TMEM232: variants seen among roughly 807,000 people sequenced by gnomAD.
The protein encoded by TMEM232 is transmembrane protein 232.
Under a neutral mutation model 78.8 loss-of-function variants are expected in TMEM232, and 80 were observed. That is an observed-to-expected ratio of 1.01 (90% CI 0.85 to 1.22). The LOEUF is 1.22. Ranked by LOEUF, TMEM232 falls within the 50% of genes most tolerant of loss-of-function variation. TMEM232 has a pLI of 0.00. For missense variants in TMEM232, 881 were observed against 742.2 expected, an observed-to-expected ratio of 1.19 and a Z score of -2.17; for synonymous variants, 297 against 254.3, an observed-to-expected ratio of 1.17 and a Z score of -1.60.
chr5:110,647,848 T>G (rs897041948), intron 2 of TMEM232, among the ~76,000 whole-genome samples: 1 of 152,020 alleles, frequency 6.6e-6, no homozygotes, highest in Non-Finnish European at 1.5e-5. Flanking sequence ...GTGCATACTA[T>G]TCTGGTTTAT....
chr5:110,604,068 A>G (rs899634314), intron 10 of TMEM232, among the ~76,000 whole-genome samples: 8 of 152,176 alleles, frequency 5.3e-5, no homozygotes, highest in Non-Finnish European at 2.9e-5. Flanking sequence ...ATAATTGCTT[A>G]CCTATTATGT....
chr5:110,658,991 G>C (rs1380712628), intron 2 of TMEM232, among the ~76,000 whole-genome samples: 2 of 152,110 alleles, frequency 1.3e-5, no homozygotes, highest in Non-Finnish European at 2.9e-5. Context: ...TCTTGGGGAA[G>C]AGCTCACCTG....
At chr5:110,461,700 C>T (rs1208804795) in intron 12 of TMEM232, among the ~76,000 whole-genome samples, 1 of 152,200 alleles carries the variant, frequency 6.6e-6, no homozygotes, top group African/African-American at 2.4e-5. Flanking sequence ...GGGGATAATG[C>T]AGCCAATGAA....
At chr5:110,446,547 C>A (rs1759669741) in intron 12 of TMEM232, among the ~76,000 whole-genome samples, 1 of 152,102 alleles carries the variant, frequency 6.6e-6, no homozygotes, top group Non-Finnish European at 1.5e-5. Context: ...AGACCACATT[C>A]TTTTTCCTCT....
chr5:110,695,677 T>A (rs1042052880), intron 1 of TMEM232, among the ~76,000 whole-genome samples: 9 of 152,166 alleles, frequency 5.9e-5, no homozygotes, highest in African/African-American at 2.2e-4. Flanking sequence ...TAAACACCTC[T>A]ATGCAAATAA....
intron 2 of TMEM232, among the ~76,000 whole-genome samples, chr5:110,406,959 C>G (rs1482068974): frequency 2.6e-5 from 4 of 151,504 alleles, no homozygotes; most frequent in African/African-American, 9.7e-5. Context: ...TTTTGTAAGC[C>G]CCATCGCAAC....
intron 13 of TMEM232, among the ~76,000 whole-genome samples, chr5:110,423,288 G>A (rs1756870870): frequency 6.6e-6 from 1 of 152,146 alleles, no homozygotes; most frequent in Non-Finnish European, 1.5e-5. Flanking sequence ...TTAAAACATT[G>A]AGCAAGTAAC....
At chr5:110,542,970 C>G (rs759990228) in intron 11 of TMEM232, among the ~76,000 whole-genome samples, 3 of 152,104 alleles carry the variant, frequency 2.0e-5, no homozygotes, top group African/African-American at 4.8e-5. Context: ...ATTCTGTAAC[C>G]AGGGCTCTTG....
At chr5:110,523,966 A>AGG (rs1230285778) in intron 12 of TMEM232, among the ~76,000 whole-genome samples, 1,760 of 41,140 alleles carry the variant, frequency 0.043, 61 homozygotes, top group East Asian at 0.068. Flanking sequence ...AAAAAAAAAA[A>AGG]GGGGGGGGGG....
chr5:110,567,740 C>T (rs1776502907), intron 11 of TMEM232, among the ~76,000 whole-genome samples: 1 of 151,900 alleles, frequency 6.6e-6, no homozygotes, highest in Non-Finnish European at 1.5e-5. Context: ...TTAAGACCAC[C>T]TTTACACTTT....
intron 12 of TMEM232, among the ~76,000 whole-genome samples, chr5:110,472,734 C>A (rs1315149812): frequency 6.6e-6 from 1 of 151,706 alleles, no homozygotes; most frequent in Non-Finnish European, 1.5e-5. Context: ...ATACATAGAC[C>A]AATGGGACAG....
At chr5:110,528,416 C>T (rs934807658) in intron 12 of TMEM232, among the ~76,000 whole-genome samples, 172 bp downstream of exon 12, 1 of 151,648 alleles carries the variant, frequency 6.6e-6, no homozygotes, top group Admixed American at 6.6e-5. Context: ...AAAAGAGTTT[C>T]TGAGAAGGGA....
chr5:110,599,434 T>C (rs1272043616), intron 10 of TMEM232, among the ~76,000 whole-genome samples: 1 of 152,078 alleles, frequency 6.6e-6, no homozygotes, highest in African/African-American at 2.4e-5. Context: ...CCATCTCACA[T>C]GCAAAGACAC....
chr5:110,696,459 T>C (rs1245539096), intron 1 of TMEM232, among the ~76,000 whole-genome samples: 2 of 152,158 alleles, frequency 1.3e-5, no homozygotes, highest in Admixed American at 1.3e-4. Flanking sequence ...CCAGGGCAAT[T>C]AGGCAGGAGA....
At chr5:110,692,457 G>C (rs1323992635) in intron 1 of TMEM232, among the ~76,000 whole-genome samples, 1 of 152,194 alleles carries the variant, frequency 6.6e-6, no homozygotes, top group Non-Finnish European at 1.5e-5. Context: ...GTGGGTGCAG[G>C]AGAGTGGGTG....
At chr5:110,704,163 G>T (rs963925426) in intron 1 of TMEM232, among the ~76,000 whole-genome samples, 9 of 152,020 alleles carry the variant, frequency 5.9e-5, no homozygotes, top group Non-Finnish European at 1.2e-4. Context: ...TAAGTATCAT[G>T]ATCACTAGAC....
At chr5:110,645,538 A>G (rs1432725278) in intron 2 of TMEM232, among the ~76,000 whole-genome samples, 2 of 151,610 alleles carry the variant, frequency 1.3e-5, no homozygotes, top group Non-Finnish European at 1.5e-5. Context: ...AATTCTCAAG[A>G]AAATAGGTGT....
At chr5:110,616,822 G>A (rs1177718653) in intron 8 of TMEM232, among the ~76,000 whole-genome samples, 1 of 152,122 alleles carries the variant, frequency 6.6e-6, no homozygotes, top group Non-Finnish European at 1.5e-5. Context: ...TGATGAGGAT[G>A]TTCAGAAAAG....
At chr5:110,634,951 C>T (rs1276145387) in intron 5 of TMEM232, among the ~76,000 whole-genome samples, 2 of 151,538 alleles carry the variant, frequency 1.3e-5, no homozygotes, top group Non-Finnish European at 3.0e-5. Flanking sequence ...GCTAAACTAA[C>T]CAAGGAAAGA....
Sources: allele counts gnomAD v4.1 joint callset (sites outside exome capture counted in the v4.1 genomes callset), GRCh38; gene constraint gnomAD v4.1.1; transcripts MANE v1.5; gene names NCBI Gene and HGNC (gene_info 2026-07-23, HGNC 2026-07-21).